The following TTLL6 variants were observed in gnomAD, a reference collection of about 807,000 sequenced individuals.
TTLL6 encodes the protein tubulin polyglutamylase TTLL6.
A neutral mutation model predicts 96.4 loss-of-function variants in TTLL6; 75 were observed. The observed-to-expected ratio is 0.78, with a 90% CI of 0.65 to 0.94. The LOEUF is 0.94. Ranked by LOEUF, TTLL6 falls within the 40% of genes least tolerant of loss-of-function variation. The pLI is 0.00. For missense variants in TTLL6, 1,030 were observed against 1,093.0 expected (o/e 0.94, Z 0.81); for synonymous variants, 411 against 419.4 (o/e 0.98, Z 0.24).
At chr17:48,808,236 C>G (rs1366508685) in intron 1 of TTLL6, among the ~76,000 whole-genome samples, 1 of 152,186 alleles carries the variant, frequency 6.6e-6, no homozygotes, top group Non-Finnish European at 1.5e-5. Context: ...AAGCTGCTGC[C>G]AATTTTAATA....
Position 48,769,970 on chromosome 17 carries a change from G to T in TTLL6, c.2168C>A (p.Ser723Tyr), listed in dbSNP as rs755638347. 13 of 1,614,014 alleles carry T rather than the reference G, an allele frequency of 8.1e-6. No homozygotes were observed. Among genetic ancestry groups the T allele is most frequent in the African/African-American group, 1.3e-5 (1 of 74,914 alleles). ...YSGPETDRVV[S>Y]FKCKKQQTPP... ...GGTCTGCTGCTTCTTGCATTTAAAGGATACCACCCTGTCCGTCTCTGGGCC... is the reference window on the plus strand; with the variant it reads ...GGTCTGCTGCTTCTTGCATTTAAAGTATACCACCCTGTCCGTCTCTGGGCC... The change falls in exon 14 of 16, where the codon TCC becomes TAC. Residue 723 changes from serine (S) to tyrosine (Y), a missense_variant. Transcript: ENST00000393382.
chr17:48,815,126 A>C (rs1468979952), intron 1 of TTLL6, among the ~76,000 whole-genome samples: 3 of 152,192 alleles, frequency 2.0e-5, no homozygotes, highest in African/African-American at 7.2e-5. Context: ...CATCCTATAA[A>C]TGATAGAAAA....
chr17:48,786,186 G>A lies in TTLL6; in HGVS notation c.1739C>T (p.Ala580Val). 6.2e-7 allele frequency: 1 copy of A among 1,614,218 alleles called. No individual in the cohort carries two copies. Among genetic ancestry groups the A allele is most frequent in the Non-Finnish European group, 8.5e-7 (1 of 1,180,046 alleles). ...WQQKQQQKDK[A>V]ATQASKQYIQ... ...TACCTGTTTGGAGGCTTGGGTGGCG[G>A]CCTTGTCTTTCTGCTGTTGTTTCTG... Residue 580 changes from alanine to valine, a missense_variant, in exon 12 of 16, where the codon GCC (alanine) becomes GTC (valine). Transcript: ENST00000393382.
At chr17:48,789,578 G>A (rs1176623977) in intron 10 of TTLL6, among the ~76,000 whole-genome samples, 2 of 151,980 alleles carry the variant, frequency 1.3e-5, no homozygotes, top group African/African-American at 2.4e-5. Context: ...ATTTTGAGAC[G>A]GAGTCTTGCT....
rs2039328422 is a variant in TTLL6 at position 48,797,044 on chromosome 17, G to A, written c.912+17C>T. ...CGCTATGGGGGTAGGGTGAGGTAGT[G>A]TGTCTCCTTAGCTCACCAGGTTGTC... is the stretch of plus-strand genomic sequence containing the variant. On this transcript the variant is annotated intron_variant, in intron 7 of 15. Coordinates refer to ENST00000393382, the MANE Select transcript of TTLL6 (RefSeq NM_001130918.3). 6.5e-7 allele frequency: 1 copy of A among 1,548,258 alleles called. No individual in the cohort carries two copies. The highest frequency in any genetic ancestry group is 1.4e-5 in the African/African-American group (1 of 72,778).
At chr17:48,790,677 C>T (rs994939984) in intron 9 of TTLL6, among the ~76,000 whole-genome samples, 2 of 152,198 alleles carry the variant, frequency 1.3e-5, no homozygotes, top group Admixed American at 1.3e-4. Flanking sequence ...ATCCCTCTTC[C>T]CACCACACCT....
chr17:48,767,256 C>T (rs2038634866), intron 15 of TTLL6, among the ~76,000 whole-genome samples: 1 of 152,158 alleles, frequency 6.6e-6, no homozygotes, highest in Non-Finnish European at 1.5e-5. Context: ...GGGCCCCTTC[C>T]CAGCCCTCTT....
At chr17:48,765,852 T>C (rs990848525) in intron 15 of TTLL6, 1 of 152,366 alleles carries the variant, frequency 6.6e-6, no homozygotes. Flanking sequence ...CCCAGCACCA[T>C]GACTAATACT....
At chr17:48,796,832 G>A (rs374581967) in intron 7 of TTLL6, among the ~76,000 whole-genome samples, 104 of 152,166 alleles carry the variant, frequency 6.8e-4, no homozygotes, top group African/African-American at 2.4e-3. Context: ...CTAGCTGTGT[G>A]ACCTTGGACA....
intron 3 of TTLL6, 59 bp downstream of exon 3, chr17:48,803,832 A>G: frequency 6.5e-7 from 1 of 1,531,730 alleles, no homozygotes; most frequent in Middle Eastern, 1.7e-4. Context: ...GACTCTTCCC[A>G]ACCCTTTGGG....
intron 5 of TTLL6, 60 bp from the exon 6 acceptor site, chr17:48,799,820 C>T (rs1366582629): frequency 6.9e-7 from 1 of 1,451,614 alleles, no homozygotes; most frequent in Admixed American, 2.2e-5. Context: ...AAAAGGAAGG[C>T]TAGCCCTTTA....
At chr17:48,802,111 A>G (rs1007278594) in intron 3 of TTLL6, among the ~76,000 whole-genome samples, 1 of 97,638 alleles carries the variant, frequency 1.0e-5, no homozygotes, top group Admixed American at 1.0e-4. Flanking sequence ...AGAAAGAAAG[A>G]AAGAAAGAAA....
At chr17:48,763,546 C>G (rs2038530765) in intron 15 of TTLL6, among the ~76,000 whole-genome samples, 1 of 152,188 alleles carries the variant, frequency 6.6e-6, no homozygotes, top group African/African-American at 2.4e-5. Flanking sequence ...CCTGTAATCC[C>G]AGCTCTTTGG....
At chr17:48,793,049 T>C (rs1169196039) in intron 8 of TTLL6, among the ~76,000 whole-genome samples, 1 of 152,212 alleles carries the variant, frequency 6.6e-6, no homozygotes, top group Non-Finnish European at 1.5e-5. Flanking sequence ...GATGGCTTGG[T>C]GTCTGCCCCA....
chr17:48,770,157 ATTTTTT>A, intron 13 of TTLL6, 60 bp from the exon 14 acceptor site: 1 of 1,436,828 alleles, frequency 7.0e-7, no homozygotes, highest in East Asian at 2.4e-5. Context: ...TTCCTATGCT[ATTTTTT>A]TTTTATTTTT....
chr17:48,786,076 G>A (rs758402858), intron 12 of TTLL6, 88 bp downstream of exon 12: 13 of 1,571,168 alleles, frequency 8.3e-6, no homozygotes, highest in Non-Finnish European at 1.0e-5. Context: ...TCTGGGCTCT[G>A]AGCAGTGGTC....
intron 13 of TTLL6, among the ~76,000 whole-genome samples, chr17:48,772,456 G>A (rs2038766847): frequency 2.0e-5 from 3 of 152,180 alleles, no homozygotes; most frequent in Admixed American, 1.3e-4. Flanking sequence ...ATATGGCTGG[G>A]TGCAGTGGCT....
intron 3 of TTLL6, among the ~76,000 whole-genome samples, chr17:48,802,082 G>GAAAGAAAGAA (rs2039430490): frequency 6.6e-4 from 1 of 1,508 alleles, no homozygotes; most frequent in African/African-American, 1.4e-3. Context: ...GAAAGAAAAA[G>GAAAGAAAGAA]AAAGAAAGAA....
chr17:48,768,900 A>G (rs1386826457), intron 15 of TTLL6, 89 bp downstream of exon 15: 4 of 1,365,038 alleles, frequency 2.9e-6, no homozygotes, highest in Admixed American at 3.7e-5. Flanking sequence ...TTATCAATCC[A>G]TCCATCCTCC....
Sources: gnomAD v4.1 joint callset for allele counts (sites outside exome capture counted in the v4.1 genomes callset) on GRCh38, gnomAD v4.1.1 for gene constraint, MANE v1.5 for transcripts, NCBI Gene and HGNC (gene_info 2026-07-23, HGNC 2026-07-21) for gene names.